PDS5B: variants seen among roughly 807,000 people sequenced by gnomAD.
The protein encoded by PDS5B is sister chromatid cohesion protein PDS5 homolog B.
PDS5B carries 51 observed loss-of-function variants against 184.1 expected under a neutral mutation model. That is an observed-to-expected ratio of 0.28 (90% CI 0.22 to 0.35). The LOEUF is 0.35. PDS5B is among the 10% of genes least tolerant of loss of function. The pLI is 1.00. For synonymous variants in PDS5B, 566 were observed against 569.2 expected (o/e 0.99, Z 0.08); for missense variants, 1,180 against 1,723.3 (o/e 0.68, Z 5.58).
chr13:32,708,191 G>A (rs1566354587), intron 18 of PDS5B, among the ~76,000 whole-genome samples: 1 of 152,214 alleles, frequency 6.6e-6, no homozygotes, highest in Non-Finnish European at 1.5e-5. Context: ...CTGTTCTGCA[G>A]AAGCAGTCAT....
intron 24 of PDS5B, among the ~76,000 whole-genome samples, chr13:32,749,370 T>A (rs1435662584): frequency 1.3e-5 from 2 of 152,374 alleles, no homozygotes; most frequent in East Asian, 3.9e-4. Context: ...GCTTTGCGCT[T>A]TAGTACATGT....
intron 10 of PDS5B, among the ~76,000 whole-genome samples, chr13:32,683,059 C>T (rs1442786716): frequency 6.6e-6 from 1 of 151,996 alleles, no homozygotes; most frequent in Non-Finnish European, 1.5e-5. Context: ...GTCACCCAGA[C>T]TGGAGTACAG....
chr13:32,723,995 T>G (rs1216296334), intron 19 of PDS5B, among the ~76,000 whole-genome samples: 1 of 152,230 alleles, frequency 6.6e-6, no homozygotes, highest in African/African-American at 2.4e-5. Context: ...CTCCACACAC[T>G]CCCTTGCTCC....
intron 3 of PDS5B, among the ~76,000 whole-genome samples, chr13:32,653,098 A>C (rs1940957655): frequency 6.6e-6 from 1 of 152,160 alleles, no homozygotes; most frequent in African/African-American, 2.4e-5. Context: ...GTTCGAAACC[A>C]GCCTGGCCAA....
rs1024111945 is a variant in PDS5B at position 32,770,451 on chromosome 13, T to C, written c.3955T>C (p.Ser1319Pro). 4 of 1,610,236 alleles carry C rather than the reference T, an allele frequency of 2.5e-6. No homozygotes were observed. The East Asian group carries it at 8.9e-5, about 36-fold the overall frequency. ...KTSKKGSKKK[S>P]GPPAPEEEEE... is the part of the protein sequence containing the mutation. ...TTCTAAAAAAGGAAGCAAAAAAAAA[T>C]CTGGACCTCCAGCACCAGAGGAGGA... The change falls in exon 32 of 35, where the codon TCT becomes CCT. Residue 1319 changes from serine to proline, a missense_variant. Physicochemically the swap from Ser to Pro is moderately conservative, Grantham distance 74. Transcript: ENST00000315596.
chr13:32,586,788 C>A (rs1593216535), intron 1 of PDS5B, among the ~76,000 whole-genome samples, 195 bp downstream of exon 1: 1 of 124,440 alleles, frequency 8.0e-6, no homozygotes, highest in Non-Finnish European at 1.7e-5. Flanking sequence ...TGGCCCGGGG[C>A]GGGGGTCGCG....
chr13:32,720,477 A>T (rs998725665), intron 19 of PDS5B, among the ~76,000 whole-genome samples: 14 of 152,170 alleles, frequency 9.2e-5, no homozygotes, highest in African/African-American at 3.4e-4. Flanking sequence ...AGAGAAACAA[A>T]CTATACTAGG....
At chr13:32,664,052 A>T (rs1950720899) in intron 6 of PDS5B, among the ~76,000 whole-genome samples, 1 of 152,206 alleles carries the variant, frequency 6.6e-6, no homozygotes, top group Admixed American at 6.5e-5. Flanking sequence ...ACATTATTTC[A>T]TTCTTTTTAT....
chr13:32,656,007 G>T (rs1950503476), intron 3 of PDS5B, among the ~76,000 whole-genome samples: 1 of 152,030 alleles, frequency 6.6e-6, no homozygotes, highest in African/African-American at 2.4e-5. Flanking sequence ...TTTGTATGTG[G>T]TTTGAGGAAA....
intron 19 of PDS5B, 69 bp downstream of exon 19, chr13:32,710,175 A>T: frequency 1.8e-6 from 2 of 1,111,994 alleles, no homozygotes; most frequent in Non-Finnish European, 2.4e-6. Flanking sequence ...TTTATGCAAT[A>T]ATTGGGAATC....
In PDS5B at chr13:32,648,756, G is replaced by T; in HGVS notation, c.-17G>T. 2 of 1,118,830 alleles carry T rather than the reference G, an allele frequency of 1.8e-6. No individual in the cohort carries two copies. The highest frequency in any genetic ancestry group is 1.4e-6 in the Non-Finnish European group (1 of 731,412). 69.3% of individuals were successfully genotyped at this position (1,118,830 alleles called of 1,614,324 possible). A position where few individuals can be genotyped will look rare whatever the true frequency, so the allele number is the denominator to read the frequency against. On this transcript the variant is annotated splice_region_variant and 5_prime_UTR_variant, in exon 2 of 35. Transcript: ENST00000315596. ...ATCTAATAGTTTTCTTGTTTCAGGGGTAGAAATATTTCTGTCATGGCTCAT... is the reference window on the plus strand; with the variant it reads ...ATCTAATAGTTTTCTTGTTTCAGGGTTAGAAATATTTCTGTCATGGCTCAT...
intron 19 of PDS5B, among the ~76,000 whole-genome samples, chr13:32,710,317 G>A (rs1952165065): frequency 6.6e-6 from 1 of 152,172 alleles, no homozygotes; most frequent in African/African-American, 2.4e-5. Flanking sequence ...AACATGGCAT[G>A]TCTTTCTGAT....
At chr13:32,696,069 A>C (rs1451610530) in intron 14 of PDS5B, among the ~76,000 whole-genome samples, 8 of 152,104 alleles carry the variant, frequency 5.3e-5, no homozygotes, top group Admixed American at 3.9e-4. Context: ...TTTAAATTCC[A>C]AATAGTTGGG....
At chr13:32,648,641 A>G (rs1046334244) in intron 1 of PDS5B, 113 bp from the exon 2 acceptor site, 7 of 577,132 alleles carry the variant, frequency 1.2e-5, no homozygotes, top group African/African-American at 5.6e-5. Context: ...GTAAATTACT[A>G]TAAATTAGGA....
chr13:32,743,594 A>T (rs995539110), intron 23 of PDS5B, among the ~76,000 whole-genome samples: 1 of 152,154 alleles, frequency 6.6e-6, no homozygotes, highest in East Asian at 1.9e-4. Flanking sequence ...ATAAGAAAAC[A>T]TACAAAGATG....
intron 19 of PDS5B, among the ~76,000 whole-genome samples, chr13:32,715,581 T>C (rs1169576663): frequency 6.6e-6 from 1 of 152,182 alleles, no homozygotes; most frequent in Non-Finnish European, 1.5e-5. Context: ...ACTCTAGTTA[T>C]AAAAAAATTG....
rs1954926272 is a variant in PDS5B at position 32,775,427 on chromosome 13, G to T, written c.*375G>T. 2 of 316,072 alleles carry T rather than the reference G, an allele frequency of 6.3e-6. No individual in the cohort carries two copies. The highest frequency in any genetic ancestry group is 4.6e-5 in the Admixed American group (1 of 21,620). 19.6% of individuals were successfully genotyped at this position (316,072 alleles called of 1,614,324 possible). On this transcript the variant is annotated 3_prime_UTR_variant, in exon 35 of 35. Coordinates refer to ENST00000315596, the MANE Select transcript of PDS5B (RefSeq NM_015032.4). ...GGATCTATTGATTTGAAAAGAATTT[G>T]TTAGGATAGATCTTAAGCAGTAATC...
chr13:32,719,881 C>G (rs1952610177), intron 19 of PDS5B, among the ~76,000 whole-genome samples: 1 of 150,598 alleles, frequency 6.6e-6, no homozygotes, highest in Non-Finnish European at 1.5e-5. Context: ...ACCTCTGCCT[C>G]CCAGGTTCTA....
At chr13:32,766,448 A>G (rs17077814) in intron 31 of PDS5B, among the ~76,000 whole-genome samples, 1,884 of 152,278 alleles carry the variant, frequency 0.012, 48 homozygotes, top group African/African-American at 0.043. Flanking sequence ...TTGTTGTGGC[A>G]TGGATAATGT....
Sources: gnomAD v4.1 joint callset for allele counts (sites outside exome capture counted in the v4.1 genomes callset) on GRCh38, gnomAD v4.1.1 for gene constraint, MANE v1.5 for transcripts, NCBI Gene and HGNC (gene_info 2026-07-23, HGNC 2026-07-21) for gene names.